HECW1: variants seen among roughly 807,000 people sequenced by gnomAD.
The protein encoded by HECW1 is HECT, C2 and WW domain containing E3 ubiquitin protein ligase 1, also known as E3 ubiquitin-protein ligase HECW1.
HECW1 carries 61 observed loss-of-function variants against 182.3 expected under a neutral mutation model. That is an observed-to-expected ratio of 0.33 (90% confidence interval 0.27 to 0.41). HECW1 has a LOEUF of 0.41. HECW1 is among the 10% of genes least tolerant of loss of function. The pLI is 1.00. For missense variants in HECW1, 1,739 were observed against 2,108.9 expected (o/e 0.82, Z 3.44); for synonymous variants, 859 against 832.6 (o/e 1.03, Z -0.55).
chr7:43,262,667 C>T (rs954367616), intron 3 of HECW1, among the ~76,000 whole-genome samples: 1 of 152,134 alleles, frequency 6.6e-6, no homozygotes, highest in African/African-American at 2.4e-5. Flanking sequence ...ACATGCATTC[C>T]TAGGGGGAAA....
intron 8 of HECW1, among the ~76,000 whole-genome samples, chr7:43,414,035 T>C (rs1464992211): frequency 6.6e-6 from 1 of 151,558 alleles, no homozygotes; most frequent in Non-Finnish European, 1.5e-5. Context: ...AATCTGTAAA[T>C]TACCCTGGGC....
At chr7:43,363,407 A>G (rs1816212656) in intron 6 of HECW1, among the ~76,000 whole-genome samples, 1 of 152,126 alleles carries the variant, frequency 6.6e-6, no homozygotes. Context: ...TCATACTTCA[A>G]ACTCTGGCAT....
chr7:43,452,751 G>C (rs1259385115), intron 12 of HECW1, among the ~76,000 whole-genome samples: 4 of 152,200 alleles, frequency 2.6e-5, no homozygotes, highest in Non-Finnish European at 5.9e-5. Context: ...AGGGATCTCT[G>C]AGTTCGTGTG....
chr7:43,147,945 C>T (rs760889850), intron 2 of HECW1, among the ~76,000 whole-genome samples: 6 of 152,222 alleles, frequency 3.9e-5, no homozygotes, highest in Non-Finnish European at 7.3e-5. Flanking sequence ...ATTTGGGTCA[C>T]TTTCTATTTA....
intron 24 of HECW1, among the ~76,000 whole-genome samples, chr7:43,537,313 G>A (rs949821556): frequency 6.6e-6 from 1 of 152,186 alleles, no homozygotes; most frequent in Admixed American, 6.5e-5. Flanking sequence ...AAGTAACTTA[G>A]CTCGAAACCT....
At chr7:43,371,785 G>T (rs1196902185) in intron 6 of HECW1, among the ~76,000 whole-genome samples, 1 of 152,104 alleles carries the variant, frequency 6.6e-6, no homozygotes, top group African/African-American at 2.4e-5. Context: ...TTGTGATTAT[G>T]GGGAAAGGTT....
chr7:43,246,773 C>A (rs1404388717), intron 3 of HECW1, among the ~76,000 whole-genome samples: 1 of 152,116 alleles, frequency 6.6e-6, no homozygotes, highest in Non-Finnish European at 1.5e-5. Flanking sequence ...CCTGAGAGGG[C>A]AAGAGAGAAC....
At chr7:43,341,665 T>C (rs1813016621) in intron 5 of HECW1, among the ~76,000 whole-genome samples, 1 of 151,798 alleles carries the variant, frequency 6.6e-6, no homozygotes, top group Non-Finnish European at 1.5e-5. Context: ...TATTAAACAT[T>C]TATGACTTTT....
intron 17 of HECW1, among the ~76,000 whole-genome samples, chr7:43,485,715 TAC>T (rs1003238219): frequency 2.0e-3 from 310 of 152,258 alleles, no homozygotes; most frequent in African/African-American, 7.3e-3. Context: ...TAAAAAATAG[TAC>T]ACCTGTATAG....
chr7:43,517,984 G>GTAAC (rs2080243347), intron 24 of HECW1, among the ~76,000 whole-genome samples: 1 of 152,140 alleles, frequency 6.6e-6, no homozygotes, highest in Non-Finnish European at 1.5e-5. Context: ...TGCCAGTACT[G>GTAAC]TAACTGGGTA....
intron 2 of HECW1, among the ~76,000 whole-genome samples, chr7:43,212,425 A>G (rs111786148): frequency 4.6e-5 from 7 of 152,292 alleles, no homozygotes; most frequent in African/African-American, 1.7e-4. Flanking sequence ...TATTCTTTTC[A>G]CTTTTTAAAA....
intron 3 of HECW1, among the ~76,000 whole-genome samples, chr7:43,297,228 T>C (rs1301825746): frequency 6.6e-6 from 1 of 152,232 alleles, no homozygotes; most frequent in Non-Finnish European, 1.5e-5. Context: ...GTTTGTTCAA[T>C]TGAACTGAAT....
rs1469228596 is a variant in HECW1, at chr7:43,443,162, GA to G, written c.1045+535del. ...AATGCTAAAACAGATTTCAAAATAC[GA>G]ATGATAAGATGCCTCATAATTTTAT... On this transcript the variant is annotated intron_variant, in intron 10 of 29. Coordinates refer to ENST00000395891, the MANE Select transcript of HECW1 (RefSeq NM_015052.5). Among the ~76,000 whole-genome samples, 4 of 152,250 alleles carry G rather than the reference GA, an allele frequency of 2.6e-5. No individual in the cohort carries two copies. In the East Asian group the frequency reaches 7.7e-4, roughly 29 times the overall value.
intron 2 of HECW1, among the ~76,000 whole-genome samples, chr7:43,188,438 G>A (rs1476881294): frequency 6.6e-6 from 1 of 152,100 alleles, no homozygotes; most frequent in East Asian, 1.9e-4. Context: ...CCATCTACAC[G>A]AAGGCATTTT....
At chr7:43,139,166 A>G (rs1047876773) in intron 2 of HECW1, among the ~76,000 whole-genome samples, 1 of 152,120 alleles carries the variant, frequency 6.6e-6, no homozygotes, top group African/African-American at 2.4e-5. Context: ...TAGGAGGGAA[A>G]TACTGACCTG....
chr7:43,445,549 G>C lies in HECW1; in HGVS notation c.2377G>C (p.Gly793Arg), dbSNP rs1488073644. Residue 793 changes from glycine to arginine, a missense_variant, in exon 11 of 30, where the codon GGT (glycine) becomes CGT (arginine). By Grantham distance (125) the Gly-to-Arg change is moderately radical. Around this residue, in one of 5 missense-constraint regions of HECW1, gnomAD observed 971 missense variants for 1,029.1 expected, o/e 0.94. Coordinates refer to ENST00000395891, the MANE Select transcript of HECW1 (RefSeq NM_015052.5). ...SPEGLESPVA[G>R]PSNRREGECP... ...GGAAGGTCTGGAATCCCCCGTGGCA[G>C]GTCCAAGCAATCGGAGAGAAGGTTA... 1.9e-6 allele frequency: 3 copies of C among 1,596,810 alleles called. No homozygotes were observed. In the African/African-American group the frequency reaches 4.0e-5, roughly 21 times the overall value.
intron 2 of HECW1, among the ~76,000 whole-genome samples, chr7:43,242,751 G>C (rs530489532): frequency 6.6e-6 from 1 of 152,286 alleles, no homozygotes; most frequent in East Asian, 1.9e-4. Context: ...GTGCAGGGGA[G>C]CCTGCAGATG....
intron 8 of HECW1, among the ~76,000 whole-genome samples, chr7:43,417,861 G>A (rs1044394494): frequency 8.5e-5 from 13 of 152,054 alleles, no homozygotes; most frequent in African/African-American, 9.7e-5. Context: ...GTTGGATTTC[G>A]GCATTCCCAG....
At chr7:43,488,144 T>C (rs1436808874) in intron 17 of HECW1, among the ~76,000 whole-genome samples, 1 of 151,810 alleles carries the variant, frequency 6.6e-6, no homozygotes, top group African/African-American at 2.4e-5. Flanking sequence ...ACCCCATCTC[T>C]ACTAAAAATA....
Sources: allele counts gnomAD v4.1 joint callset (sites outside exome capture counted in the v4.1 genomes callset), GRCh38; gene constraint gnomAD v4.1.1; regional missense constraint gnomAD v4.1.1; transcripts MANE v1.5; gene names NCBI Gene and HGNC (gene_info 2026-07-23, HGNC 2026-07-21).